The following UGT1A8 variants were observed in gnomAD, a reference collection of about 807,000 sequenced individuals.
UGT1A8 encodes UDP-glucuronosyltransferase 1A8.
UGT1A8 carries 39 observed loss-of-function variants against 45.3 expected under a neutral mutation model. The ratio of observed to expected loss-of-function variants is 0.86; its 90% CI spans 0.67 to 1.12. The LOEUF (loss-of-function observed/expected upper bound fraction) is 1.12, where lower values mean the gene tolerates loss of function less well. Ranked by LOEUF, UGT1A8 falls within the 50% of genes most tolerant of loss-of-function variation. UGT1A8 has a pLI of 0.00. For missense variants in UGT1A8, 719 were observed against 664.9 expected (o/e 1.08, Z -0.90); for synonymous variants, 275 against 249.2 (o/e 1.10, Z -0.97).
chr2:233,745,084 T>A (rs1035924071), intron 1 of UGT1A8, among the ~76,000 whole-genome samples: 1 of 151,944 alleles, frequency 6.6e-6, no homozygotes, highest in African/African-American at 2.4e-5. Flanking sequence ...TTTTCATTGC[T>A]CTTCCCCCCA....
At chr2:233,768,612 A>C (rs1575836446) in intron 4 of UGT1A8, among the ~76,000 whole-genome samples, 173 bp downstream of exon 4, 1 of 107,010 alleles carries the variant, frequency 9.3e-6, no homozygotes, top group African/African-American at 3.6e-5. Context: ...TTTGAGATGG[A>C]GTCTTGCTCT....
chr2:233,720,952 C>T (rs374895724), intron 1 of UGT1A8, among the ~76,000 whole-genome samples: 224 of 149,770 alleles, frequency 1.5e-3, no homozygotes, highest in African/African-American at 5.2e-3. Flanking sequence ...CTCATGTGAT[C>T]TGCCCGCCTC....
chr2:233,757,985 C>T (rs925292779), intron 1 of UGT1A8, among the ~76,000 whole-genome samples: 4 of 152,150 alleles, frequency 2.6e-5, no homozygotes, highest in African/African-American at 7.2e-5. Context: ...AGAGCACCAT[C>T]CCCTGTAATT....
chr2:233,662,870 C>A (rs1405266775), intron 1 of UGT1A8, among the ~76,000 whole-genome samples: 1 of 141,304 alleles, frequency 7.1e-6, no homozygotes, highest in East Asian at 2.1e-4. Flanking sequence ...AACACTTTTT[C>A]TGTAACTATT....
chr2:233,648,743 G>A, intron 1 of UGT1A8: 4 of 578,028 alleles, frequency 6.9e-6, no homozygotes, highest in Middle Eastern at 3.2e-4. Flanking sequence ...GAATTACAGG[G>A]GTGAGCCACC....
chr2:233,767,696 G>A (rs1360592219), intron 2 of UGT1A8, among the ~76,000 whole-genome samples, 153 bp from the exon 3 acceptor site: 3 of 152,166 alleles, frequency 2.0e-5, no homozygotes, highest in African/African-American at 7.2e-5. Flanking sequence ...GCCGGAAGTT[G>A]CCAGTCCTCA....
rs529258547 is a variant in UGT1A8, at chr2:233,673,420, T to C, written c.855+54858T>C. Among the ~76,000 whole-genome samples the C allele has an allele frequency of 3.3e-5, 5 of 152,310 alleles. No homozygotes were observed. In the East Asian group the frequency reaches 7.7e-4, roughly 23 times the overall value. On this transcript the variant is annotated intron_variant, in intron 1 of 4. Coordinates refer to ENST00000373450, the MANE Select transcript of UGT1A8 (RefSeq NM_019076.5). ...AGGCATTTTGCATTTTTTGTCTTTATGAATAGGGCCGTGTAAACACTCTTT... is the reference window on the plus strand; with the variant it reads ...AGGCATTTTGCATTTTTTGTCTTTACGAATAGGGCCGTGTAAACACTCTTT...
chr2:233,676,583 TGTA>T (rs1363296300), intron 1 of UGT1A8, among the ~76,000 whole-genome samples: 1 of 152,194 alleles, frequency 6.6e-6, no homozygotes, highest in African/African-American at 2.4e-5. Flanking sequence ...CCACCTGAAA[TGTA>T]GTCATCATGT....
chr2:233,713,648 C>T (rs17863790), intron 1 of UGT1A8: 157,940 of 1,613,756 alleles, frequency 0.098, 8,753 homozygotes, highest in South Asian at 0.2. Flanking sequence ...ACCCTCTGGC[C>T]CTGTCCTACC....
intron 1 of UGT1A8, among the ~76,000 whole-genome samples, chr2:233,649,523 C>T (rs1422175633): frequency 6.6e-6 from 1 of 152,160 alleles, no homozygotes; most frequent in Non-Finnish European, 1.5e-5. Flanking sequence ...AATATTTATA[C>T]TTATTTTATG....
intron 1 of UGT1A8, chr2:233,713,152 G>A (rs1219842752): frequency 6.2e-7 from 1 of 1,614,236 alleles, no homozygotes; most frequent in Non-Finnish European, 8.5e-7. Flanking sequence ...CTCCATGCGA[G>A]AGGCCACCAG....
rs536726765 is a variant in UGT1A8, at chr2:233,724,607, C to T, written c.856-42427C>T. 5.2e-5 allele frequency among the ~76,000 whole-genome samples: 7 copies of T among 135,444 alleles called. 1 individual carries two copies. Among genetic ancestry groups the T allele is most frequent in the African/African-American group, 1.2e-4 (4 of 34,508 alleles). The allele number at this position is 135,444 out of a possible 152,430, so 88.9% of individuals were successfully genotyped here. On this transcript the variant is annotated intron_variant, in intron 1 of 4. Coordinates refer to ENST00000373450, the MANE Select transcript of UGT1A8 (RefSeq NM_019076.5). ...CCCCACATCTCAGACGATGGGCGGC[C>T]GGGCAGAGACGCTCCTCACTTCCTA...
intron 1 of UGT1A8, among the ~76,000 whole-genome samples, chr2:233,697,492 TTTTG>T (rs1207342841): frequency 3.2e-4 from 49 of 151,868 alleles, no homozygotes; most frequent in African/African-American, 9.4e-4. Flanking sequence ...GGTTTGCCAA[TTTTG>T]TTTATCTTTT....
At chr2:233,664,435 G>T (rs1456384201) in intron 1 of UGT1A8, among the ~76,000 whole-genome samples, 1 of 152,160 alleles carries the variant, frequency 6.6e-6, no homozygotes, top group Non-Finnish European at 1.5e-5. Flanking sequence ...TTGCCATAAA[G>T]GAATGCCTGA....
At chr2:233,623,551 T>G (rs548978817) in intron 1 of UGT1A8, among the ~76,000 whole-genome samples, 1 of 152,258 alleles carries the variant, frequency 6.6e-6, no homozygotes, top group East Asian at 1.9e-4. Flanking sequence ...CACCGAATAC[T>G]TAATTAAATA....
At position 233,713,862 on chromosome 2, in the gene UGT1A8, T is replaced by G. The variant is rs765022217; in HGVS notation, c.856-53172T>G. 94 of 1,613,944 alleles carry G rather than the reference T, an allele frequency of 5.8e-5. No homozygotes were observed. In the African/African-American group the frequency reaches 1.1e-3, roughly 20 times the overall value. On this transcript the variant is annotated intron_variant, in intron 1 of 4. Transcript: ENST00000373450. ...CAACGGGAAGCCACTATCTCAGGTC[T>G]GTATTGGTGCCTTTATCCAATCAAT...
chr2:233,621,561 T>A (rs2073007519), intron 1 of UGT1A8, among the ~76,000 whole-genome samples: 1 of 152,216 alleles, frequency 6.6e-6, no homozygotes, highest in Non-Finnish European at 1.5e-5. Context: ...AATTGTTTAC[T>A]TCAAGTATTT....
chr2:233,708,034 TAG>T (rs150546189), intron 1 of UGT1A8, among the ~76,000 whole-genome samples: 4,103 of 152,336 alleles, frequency 0.027, 87 homozygotes, highest in African/African-American at 0.046. Context: ...TTGGCAGTTA[TAG>T]ATATTGCAAA....
chr2:233,693,630 T>C (rs1199518896), intron 1 of UGT1A8: 30 of 1,614,076 alleles, frequency 1.9e-5, no homozygotes, highest in Non-Finnish European at 2.5e-5. Flanking sequence ...TCCCAACGAG[T>C]GGCCAACTTC....
Sources: allele counts gnomAD v4.1 joint callset (sites outside exome capture counted in the v4.1 genomes callset), GRCh38; gene constraint gnomAD v4.1.1; transcripts MANE v1.5; gene names NCBI Gene and HGNC (gene_info 2026-07-23, HGNC 2026-07-21).